The following IQCJ variants were observed in gnomAD, a reference collection of about 807,000 sequenced individuals.
IQCJ encodes IQ domain-containing protein J.
In IQCJ, 9 loss-of-function variants were observed where a neutral mutation model predicts 11.0. The observed-to-expected ratio is 0.82, with a 90% CI of 0.49 to 1.43. IQCJ has a LOEUF of 1.43. Ranked by LOEUF, IQCJ falls within the 40% of genes most tolerant of loss-of-function variation. The probability of loss-of-function intolerance (pLI) is 0.00; values close to 1 mark genes in which losing one functional copy is unlikely to be tolerated. For synonymous variants in IQCJ, 55 were observed against 51.3 expected, an observed-to-expected ratio of 1.07 and a Z score of -0.31; for missense variants, 146 against 133.2, an observed-to-expected ratio of 1.10 and a Z score of -0.47.
intron 1 of IQCJ, among the ~76,000 whole-genome samples, chr3:159,207,376 A>C (rs73166207): frequency 0.013 from 1,993 of 152,324 alleles, 13 homozygotes; most frequent in Non-Finnish European, 0.022. Flanking sequence ...TTATTGTTTT[A>C]CTTTCTGCCA....
chr3:159,144,353 TTG>T (rs1282251106), intron 1 of IQCJ, among the ~76,000 whole-genome samples: 3 of 152,194 alleles, frequency 2.0e-5, no homozygotes, highest in African/African-American at 7.2e-5. Flanking sequence ...GACTTGAAGG[TTG>T]TGTGTGTTCA....
chr3:159,245,896 T>C lies in IQCJ; in HGVS notation c.63T>C (p.Tyr21=), dbSNP rs1431022430. The change falls in exon 2 of 4, where the codon TAT becomes TAC. Residue 21 remains tyrosine (Y), a synonymous_variant. Coordinates refer to ENST00000397832, the MANE Select transcript of IQCJ (RefSeq NM_001042706.3). ...TAGAACAAGTTAATGATGGAAAATA[T>C]TCATTTGAAAAGTAAGTAAAAAGTA... ...NPLEQVNDGK[Y]SFENHQLAMD... 1.3e-6 allele frequency: 2 copies of C among 1,540,770 alleles called. No homozygotes were observed. The highest frequency in any genetic ancestry group is 1.8e-6 in the Non-Finnish European group (2 of 1,137,498).
chr3:159,233,899 G>A (rs1012575238), intron 1 of IQCJ, among the ~76,000 whole-genome samples: 7 of 152,172 alleles, frequency 4.6e-5, no homozygotes, highest in African/African-American at 7.2e-5. Context: ...ATGAAACTGA[G>A]ATCTAAATGG....
intron 3 of IQCJ, 53 bp downstream of exon 3, chr3:159,252,860 C>G (rs892728326): frequency 1.6e-5 from 25 of 1,540,748 alleles, no homozygotes; most frequent in Non-Finnish European, 2.1e-5. Context: ...TTATGAATTC[C>G]TGAATAAATC....
intron 1 of IQCJ, among the ~76,000 whole-genome samples, chr3:159,237,224 G>C (rs1264544947): frequency 1.3e-5 from 2 of 152,192 alleles, no homozygotes; most frequent in Admixed American, 6.5e-5. Flanking sequence ...TTTTAAACCT[G>C]TCCAAAGAAC....
At chr3:159,242,317 T>C (rs1726972582) in intron 1 of IQCJ, among the ~76,000 whole-genome samples, 2 of 152,214 alleles carry the variant, frequency 1.3e-5, no homozygotes, top group South Asian at 2.1e-4. Context: ...TGTTTAACTA[T>C]GATGAATCAA....
At chr3:159,189,642 C>A (rs541441346) in intron 1 of IQCJ, among the ~76,000 whole-genome samples, 2 of 152,330 alleles carry the variant, frequency 1.3e-5, no homozygotes, top group East Asian at 3.9e-4. Context: ...CCCACCACAG[C>A]ATCTTTGCCA....
At chr3:159,128,038 T>C (rs951034045) in intron 1 of IQCJ, among the ~76,000 whole-genome samples, 7 of 152,234 alleles carry the variant, frequency 4.6e-5, no homozygotes, top group African/African-American at 1.7e-4. Context: ...TTTGAAAGAC[T>C]GTAGAGAGAA....
chr3:159,107,986 A>G (rs1718371151), intron 1 of IQCJ, among the ~76,000 whole-genome samples: 1 of 123,758 alleles, frequency 8.1e-6, no homozygotes, highest in Non-Finnish European at 1.6e-5. Flanking sequence ...GAGATTGTGC[A>G]TGTTGCACCT....
Position 159,166,345 on chromosome 3 carries a change from G to A in IQCJ, c.10-79498G>A, listed in dbSNP as rs551092058. Reference sequence around the variant, plus strand: ...GTTTTAGATCTGGGTCAAGCTAACCGTGGAGCATAACACATAACAGTTAGA... The same window carrying A: ...GTTTTAGATCTGGGTCAAGCTAACCATGGAGCATAACACATAACAGTTAGA... On this transcript the variant is annotated intron_variant, in intron 1 of 3. Coordinates refer to ENST00000397832, the MANE Select transcript of IQCJ (RefSeq NM_001042706.3). 4.6e-5 allele frequency among the ~76,000 whole-genome samples: 7 copies of A among 152,288 alleles called. 1 individual carries two copies. Among genetic ancestry groups the A allele is most frequent in the African/African-American group, 1.2e-4 (5 of 41,558 alleles).
intron 1 of IQCJ, among the ~76,000 whole-genome samples, chr3:159,161,014 C>A (rs1721819163): frequency 6.6e-6 from 1 of 152,086 alleles, no homozygotes; most frequent in Non-Finnish European, 1.5e-5. Context: ...GTCTTTATAG[C>A]AGCATGATTT....
chr3:159,229,500 C>T (rs2108143657), intron 1 of IQCJ, among the ~76,000 whole-genome samples: 1 of 152,064 alleles, frequency 6.6e-6, no homozygotes, highest in South Asian at 2.1e-4. Context: ...TTCTTAATAG[C>T]TTCCCCTTCG....
intron 1 of IQCJ, among the ~76,000 whole-genome samples, chr3:159,187,498 C>T (rs1398964502): frequency 6.6e-6 from 1 of 152,244 alleles, no homozygotes; most frequent in Non-Finnish European, 1.5e-5. Context: ...GTCTCTGCTA[C>T]AGGTCCTGTG....
chr3:159,172,280 C>A (rs1722519913), intron 1 of IQCJ, among the ~76,000 whole-genome samples: 1 of 151,988 alleles, frequency 6.6e-6, no homozygotes, highest in Admixed American at 6.6e-5. Context: ...CGAAAGTTAG[C>A]AACATGGAAA....
At chr3:159,233,283 A>G (rs1410380301) in intron 1 of IQCJ, among the ~76,000 whole-genome samples, 3 of 152,158 alleles carry the variant, frequency 2.0e-5, no homozygotes, top group African/African-American at 7.2e-5. Flanking sequence ...CTTAGGCTCT[A>G]TCTGCTAGGT....
chr3:159,232,763 G>A (rs1269576521), intron 1 of IQCJ, among the ~76,000 whole-genome samples: 1 of 152,146 alleles, frequency 6.6e-6, no homozygotes, highest in African/African-American at 2.4e-5. Context: ...CTGAGTTCCA[G>A]TCCTGAATAT....
intron 1 of IQCJ, among the ~76,000 whole-genome samples, chr3:159,240,982 T>C (rs1320065204): frequency 6.6e-6 from 1 of 152,248 alleles, no homozygotes; most frequent in Non-Finnish European, 1.5e-5. Context: ...TATAATGCTA[T>C]GGCTCATCTT....
At chr3:159,087,614 C>T (rs1716887308) in intron 1 of IQCJ, among the ~76,000 whole-genome samples, 1 of 146,478 alleles carries the variant, frequency 6.8e-6, no homozygotes, top group Admixed American at 6.9e-5. Flanking sequence ...TTGGTCTATT[C>T]AGAGATTCAA....
chr3:159,105,493 G>T (rs1008245018), intron 1 of IQCJ, among the ~76,000 whole-genome samples: 3 of 152,190 alleles, frequency 2.0e-5, no homozygotes, highest in African/African-American at 7.2e-5. Context: ...CTCTGTCTCA[G>T]TGGAGCTTAC....
Sources: gnomAD v4.1 joint callset for allele counts (sites outside exome capture counted in the v4.1 genomes callset) on GRCh38, gnomAD v4.1.1 for gene constraint, MANE v1.5 for transcripts, NCBI Gene and HGNC (gene_info 2026-07-23, HGNC 2026-07-21) for gene names.